LIMS2: variants seen among roughly 807,000 people sequenced by gnomAD.
LIMS2 encodes the protein LIM zinc finger domain containing 2.
A neutral mutation model predicts 45.3 loss-of-function variants in LIMS2; 30 were observed. The ratio of observed to expected loss-of-function variants is 0.66; its 90% CI spans 0.50 to 0.90. The LOEUF is 0.90. Ranked by LOEUF, LIMS2 falls within the 40% of genes least tolerant of loss-of-function variation. The pLI is 0.00. For synonymous variants in LIMS2, 173 were observed against 188.0 expected (o/e 0.92, Z 0.65); for missense variants, 485 against 468.7 (o/e 1.03, Z -0.32).
At chr2:127,649,740 C>A (rs759807572) in intron 4 of LIMS2, among the ~76,000 whole-genome samples, 3 of 152,224 alleles carry the variant, frequency 2.0e-5, no homozygotes, top group Non-Finnish European at 4.4e-5. Flanking sequence ...GTTCACCAGA[C>A]GGACATGACT....
intron 1 of LIMS2, among the ~76,000 whole-genome samples, chr2:127,660,978 G>A (rs568785041): frequency 6.6e-6 from 1 of 152,210 alleles, no homozygotes; most frequent in Non-Finnish European, 1.5e-5. Context: ...CCCAGGGGCT[G>A]CCCCAGCCCA....
chr2:127,641,137 C>T lies in LIMS2; in HGVS notation c.661-149G>A, dbSNP rs916519430. On this transcript the variant is annotated intron_variant, in intron 6 of 9. Coordinates refer to ENST00000355119, the MANE Select transcript of LIMS2 (RefSeq NM_001161403.3). Reference sequence around the variant, plus strand: ...AGGAGGCAGCAGTGACAGAAGGGGACAGAAAGCAGAGTCTGGGCAGGTGCA... The same window carrying T: ...AGGAGGCAGCAGTGACAGAAGGGGATAGAAAGCAGAGTCTGGGCAGGTGCA... The T allele has an allele frequency of 2.4e-5, 15 of 628,716 alleles. No individual in the cohort carries two copies. The African/African-American group carries it at 2.7e-4, about 11-fold the overall frequency. The allele number at this position is 628,716 out of a possible 1,614,324, so 38.9% of individuals were successfully genotyped here. A position where few individuals can be genotyped will look rare whatever the true frequency, so the allele number is the denominator to read the frequency against.
At chr2:127,650,032 G>C in intron 4 of LIMS2, 1 of 1,609,002 alleles carries the variant, frequency 6.2e-7, no homozygotes, top group Non-Finnish European at 8.5e-7. Context: ...GGAGTTGGTG[G>C]GCTGGATCCA....
intron 1 of LIMS2, among the ~76,000 whole-genome samples, chr2:127,660,938 G>A (rs1381636116): frequency 1.3e-5 from 2 of 150,318 alleles, no homozygotes; most frequent in African/African-American, 2.5e-5. Flanking sequence ...TGGGGGGGGC[G>A]GATGTGGGGG....
chr2:127,674,635 G>A, intron 1 of LIMS2: 4 of 985,346 alleles, frequency 4.1e-6, no homozygotes, highest in Non-Finnish European at 4.8e-6. Context: ...ATCGGGGATC[G>A]CACAGCGCGG....
In LIMS2 at chr2:127,639,079, C is replaced by T; in HGVS notation, c.*202G>A. 1 of 607,190 alleles carries T rather than the reference C, an allele frequency of 1.6e-6. No individual in the cohort carries two copies. Among genetic ancestry groups the T allele is most frequent in the South Asian group, 2.0e-5 (1 of 48,798 alleles). The allele number at this position is 607,190 out of a possible 1,614,324, so 37.6% of individuals were successfully genotyped here. ...GCTCCCACTCCCCAGCTCCTGCCTC[C>T]TCACAGACAGAAGCCACGGCCAAGG... On this transcript the variant is annotated 3_prime_UTR_variant, in exon 10 of 10. Transcript: ENST00000355119.
At chr2:127,654,210 G>T (rs1684076076) in intron 4 of LIMS2, among the ~76,000 whole-genome samples, 1 of 152,116 alleles carries the variant, frequency 6.6e-6, no homozygotes. Flanking sequence ...GCTCCCGAGA[G>T]GCTGCCAGGA....
chr2:127,659,522 T>C (rs1251160754), intron 1 of LIMS2, among the ~76,000 whole-genome samples: 1 of 152,210 alleles, frequency 6.6e-6, no homozygotes, highest in Non-Finnish European at 1.5e-5. Context: ...AGGACAGGCT[T>C]GGTTTCCTTC....
rs556993554 is a variant in LIMS2 at position 127,661,831 on chromosome 2, A to C, written c.12-4269T>G. 2.0e-5 allele frequency among the ~76,000 whole-genome samples: 3 copies of C among 152,252 alleles called. No individual in the cohort carries two copies. In the East Asian group the frequency reaches 5.8e-4, roughly 29 times the overall value. On this transcript the variant is annotated intron_variant, in intron 1 of 9. Transcript: ENST00000355119. ...GAGGAGGCTGGTTCCAGATAAGGAGATTGAAGCACAGAGAGAGTCAGTAAC... is the reference window on the plus strand; with the variant it reads ...GAGGAGGCTGGTTCCAGATAAGGAGCTTGAAGCACAGAGAGAGTCAGTAAC...
At chr2:127,668,246 C>T (rs1319976468) in intron 1 of LIMS2, among the ~76,000 whole-genome samples, 1 of 152,166 alleles carries the variant, frequency 6.6e-6, no homozygotes, top group East Asian at 1.9e-4. Context: ...TACAACACTA[C>T]ATCAAATTGA....
Position 127,667,393 on chromosome 2 carries a change from A to G in LIMS2, c.11+7621T>C, listed in dbSNP as rs181219159. 3.5e-4 allele frequency among the ~76,000 whole-genome samples: 54 copies of G among 152,376 alleles called. No homozygotes were observed. The East Asian group carries it at 9.2e-3, about 26-fold the overall frequency. ...GAGGGAATACTTCACAACTCATTCTATAAATATTATCTTGATCTCAAAATA... is the reference window on the plus strand; with the variant it reads ...GAGGGAATACTTCACAACTCATTCTGTAAATATTATCTTGATCTCAAAATA... On this transcript the variant is annotated intron_variant, in intron 1 of 9. Transcript: ENST00000355119. The surrounding 1 kb of genome is among the most constrained non-coding windows in gnomAD (Gnocchi z 4.1).
intron 6 of LIMS2, chr2:127,641,715 C>T (rs918510319): frequency 2.4e-5 from 6 of 250,706 alleles, no homozygotes; most frequent in East Asian, 8.5e-5. Flanking sequence ...GTCCATGCAG[C>T]GGGTTCTGTC....
chr2:127,657,963 C>A (rs889174024), intron 1 of LIMS2, among the ~76,000 whole-genome samples: 2 of 152,242 alleles, frequency 1.3e-5, no homozygotes, highest in Admixed American at 6.5e-5. Context: ...CAAGCTCACA[C>A]AGCAGAGCGG....
chr2:127,678,890 G>A (rs193078947), upstream of LIMS2, among the ~76,000 whole-genome samples: 49 of 152,262 alleles, frequency 3.2e-4, no homozygotes, highest in East Asian at 5.0e-3. The surrounding 1 kb of genome is among the most constrained non-coding windows in gnomAD (Gnocchi z 5.3). Flanking sequence ...ATTCTCCAGC[G>A]TAGATGCAGA....
chr2:127,641,058 C>A, intron 6 of LIMS2, 70 bp from the exon 7 acceptor site: 1 of 1,308,516 alleles, frequency 7.6e-7, no homozygotes, highest in Non-Finnish European at 1.1e-6. Flanking sequence ...AGTGGTGACC[C>A]GGGGACAACA....
chr2:127,642,602 G>A lies in LIMS2; in HGVS notation c.509+321C>T, dbSNP rs1031021771. The stretch of plus-strand genomic sequence containing the variant: ...CAACACCAGCACCAAGCCCACTCCC[G>A]GTCTCTTGCCCTGCCCCCTCAGGTC... On this transcript the variant is annotated intron_variant, in intron 5 of 9. Coordinates refer to ENST00000355119, the MANE Select transcript of LIMS2 (RefSeq NM_001161403.3). The surrounding 1 kb of genome is among the most constrained non-coding windows in gnomAD (Gnocchi z 5.3). 6 of 397,522 alleles carry A rather than the reference G, an allele frequency of 1.5e-5. No individual in the cohort carries two copies. The highest frequency in any genetic ancestry group is 8.3e-5 in the Admixed American group (2 of 24,164). The allele number at this position is 397,522 out of a possible 1,614,324, so 24.6% of individuals were successfully genotyped here.
intron 4 of LIMS2, chr2:127,650,768 G>A (rs1683667268): frequency 1.2e-6 from 2 of 1,613,848 alleles, no homozygotes; most frequent in Non-Finnish European, 1.7e-6. Context: ...CCCCAGGTCT[G>A]ATCACCAACT....
In LIMS2 at chr2:127,664,192, G is replaced by A; in HGVS notation, c.12-6630C>T. The A allele has an allele frequency of 2.3e-6, 2 of 872,346 alleles. No individual in the cohort carries two copies. The highest frequency in any genetic ancestry group is 3.0e-6 in the Non-Finnish European group (2 of 677,824). 54.0% of individuals were successfully genotyped at this position (872,346 alleles called of 1,614,324 possible). A position where few individuals can be genotyped will look rare whatever the true frequency, so the allele number is the denominator to read the frequency against. On this transcript the variant is annotated intron_variant, in intron 1 of 9. Transcript: ENST00000355119. The surrounding 1 kb of genome is among the most constrained non-coding windows in gnomAD (Gnocchi z 5.5). The stretch of plus-strand genomic sequence containing the variant: ...CAACCCAGGGCCCATCCGACGCCGG[G>A]GCAGAGCCCACGGCGTCGGAGGGCC...
rs1558887251 is a variant in LIMS2 at position 127,654,432 on chromosome 2, A to G, written c.351T>C (p.Asn117=). The G allele has an allele frequency of 1.2e-6, 2 of 1,614,080 alleles. No homozygotes were observed. The highest frequency in any genetic ancestry group is 1.7e-6 in the Non-Finnish European group (2 of 1,179,986). Residue 117 remains asparagine, a synonymous_variant, in exon 4 of 10, where the codon AAT becomes AAC. Coordinates refer to ENST00000355119, the MANE Select transcript of LIMS2 (RefSeq NM_001161403.3). Reference sequence around the variant, plus strand: ...CAACACGGCCACCTCACCTGCCGGCATTCTTCACAAAGCCCAGGTCAGCCA... The same window carrying G: ...CAACACGGCCACCTCACCTGCCGGCGTTCTTCACAAAGCCCAGGTCAGCCA... ...VELADLGFVK[N]AGRHLCRPCH...
Sources: allele counts gnomAD v4.1 joint callset (sites outside exome capture counted in the v4.1 genomes callset), GRCh38; gene constraint gnomAD v4.1.1; non-coding constraint Gnocchi (gnomAD v3.1); transcripts MANE v1.5; gene names NCBI Gene and HGNC (gene_info 2026-07-23, HGNC 2026-07-21).